Variants in PRKCZ observed in about 807,000 individuals in gnomAD.
PRKCZ encodes protein kinase C zeta, also known as protein kinase C zeta type.
PRKCZ carries 33 observed loss-of-function variants against 79.5 expected under a neutral mutation model. That is an observed-to-expected ratio of 0.41 (90% CI 0.31 to 0.55). PRKCZ has a LOEUF of 0.55. Among genes scored for constraint, PRKCZ ranks in the 20% least tolerant of loss-of-function variants. The probability of loss-of-function intolerance (pLI) is 0.19; values close to 1 mark genes in which losing one functional copy is unlikely to be tolerated. For synonymous variants in PRKCZ, 342 were observed against 320.9 expected (o/e 1.07, Z -0.70); for missense variants, 578 against 813.5 (o/e 0.71, Z 3.52).
chr1:2,061,053 C>T (rs899913721), intron 4 of PRKCZ, among the ~76,000 whole-genome samples: 2 of 152,220 alleles, frequency 1.3e-5, no homozygotes, highest in African/African-American at 2.4e-5. Context: ...CCCTCCACAG[C>T]GCCCTGCAGC....
chr1:2,073,831 C>T, intron 4 of PRKCZ: 1 of 1,042,708 alleles, frequency 9.6e-7, no homozygotes, highest in Non-Finnish European at 1.2e-6. Context: ...CGAGCCGACG[C>T]AGCATCAGCT....
At position 2,127,644 on chromosome 1, in the gene PRKCZ, A is replaced by G. The variant is rs141381026; in HGVS notation, c.335-7618A>G. ...GCAGTGGGAGCTCTGGTGCAGGTGT[A>G]GCCGAGGCTCAGGGGCTCCACACCA... On this transcript the variant is annotated intron_variant, in intron 4 of 17. Coordinates refer to ENST00000378567, the MANE Select transcript of PRKCZ (RefSeq NM_002744.6). This position sits in a 1 kb window ranked among gnomAD's most constrained non-coding sequence, Gnocchi z 5.1. 6.5e-3 allele frequency among the ~76,000 whole-genome samples: 983 copies of G among 152,332 alleles called. 6 individuals carry two copies. Among genetic ancestry groups the G allele is most frequent in the Admixed American group, 9.1e-3 (140 of 15,308 alleles).
intron 4 of PRKCZ, 112 bp from the exon 5 acceptor site, chr1:2,135,150 G>C: frequency 1.2e-6 from 1 of 856,420 alleles, no homozygotes; most frequent in Non-Finnish European, 1.8e-6. Context: ...CCCTGCCTGG[G>C]AGGACGCTGC....
rs373413761 is a variant in PRKCZ at position 2,123,870 on chromosome 1, T to C, written c.335-11392T>C. 4.6e-3 allele frequency among the ~76,000 whole-genome samples: 23 copies of C among 5,016 alleles called. 8 individuals are homozygous for C. Among genetic ancestry groups the C allele is most frequent in the African/African-American group, 0.012 (7 of 574 alleles). 3.3% of individuals were successfully genotyped at this position (5,016 alleles called of 152,430 possible). ...AGGGTTGTGGTGGTTAGGGTCACGGTGGCGGTTAGGGTCACGGCGGCGGTT... is the reference window on the plus strand; with the variant it reads ...AGGGTTGTGGTGGTTAGGGTCACGGCGGCGGTTAGGGTCACGGCGGCGGTT... On this transcript the variant is annotated intron_variant, in intron 4 of 17. Coordinates refer to ENST00000378567, the MANE Select transcript of PRKCZ (RefSeq NM_002744.6).
chr1:2,136,202 G>T (rs182767574), intron 5 of PRKCZ, among the ~76,000 whole-genome samples: 2 of 152,292 alleles, frequency 1.3e-5, no homozygotes, highest in East Asian at 3.9e-4. Flanking sequence ...TACTCCCATG[G>T]TCTGCCCTCT....
At chr1:2,061,895 G>T (rs563547425) in intron 4 of PRKCZ, among the ~76,000 whole-genome samples, 1 of 152,318 alleles carries the variant, frequency 6.6e-6, no homozygotes, top group Admixed American at 6.5e-5. Flanking sequence ...GCCGCCGCCT[G>T]GGGCTCTGTG....
At chr1:2,138,092 T>A (rs1471403960) in intron 5 of PRKCZ, among the ~76,000 whole-genome samples, 1 of 152,176 alleles carries the variant, frequency 6.6e-6, no homozygotes, top group Non-Finnish European at 1.5e-5. Flanking sequence ...TCACTTCATG[T>A]TAATTGCAGG....
rs544540765 is a variant in PRKCZ at position 2,134,986 on chromosome 1, C to T, written c.335-276C>T. The T allele has an allele frequency of 1.7e-3, 473 of 276,688 alleles. 2 individuals are homozygous for T. The highest frequency in any genetic ancestry group is 6.9e-3 in the Middle Eastern group (6 of 872). 17.1% of individuals were successfully genotyped at this position (276,688 alleles called of 1,614,324 possible). On this transcript the variant is annotated intron_variant, in intron 4 of 17. Coordinates refer to ENST00000378567, the MANE Select transcript of PRKCZ (RefSeq NM_002744.6). ...CACGGCTCCACTGTCAGCAAGCGGC[C>T]GTCCCGTGGTGGATCCTGTCCGCCC...
intron 6 of PRKCZ, 85 bp from the exon 7 acceptor site, chr1:2,145,942 A>G: frequency 3.2e-6 from 4 of 1,252,616 alleles, no homozygotes; most frequent in Non-Finnish European, 4.6e-6. Flanking sequence ...TTAATTTTAA[A>G]AAGTCACAAA....
intron 8 of PRKCZ, among the ~76,000 whole-genome samples, chr1:2,150,558 G>A (rs2103217191): frequency 6.6e-6 from 1 of 152,324 alleles, no homozygotes; most frequent in Admixed American, 6.5e-5. Context: ...ACAGCTTCTA[G>A]CTTTCTAGCA....
intron 3 of PRKCZ, 149 bp from the exon 4 acceptor site, chr1:2,059,392 T>C (rs1660465294): frequency 2.2e-6 from 2 of 913,884 alleles, no homozygotes; most frequent in Non-Finnish European, 3.4e-6. Flanking sequence ...GGGTTTTGCG[T>C]CTCCCAGGAG....
At chr1:2,134,666 G>A (rs780337005) in intron 4 of PRKCZ, 3 of 152,204 alleles carry the variant, frequency 2.0e-5, no homozygotes, top group Non-Finnish European at 2.9e-5. Context: ...CCTGCCCTGA[G>A]ATTTATTAGG....
intron 11 of PRKCZ, among the ~76,000 whole-genome samples, chr1:2,170,708 T>C (rs1456172893): frequency 6.6e-6 from 1 of 152,234 alleles, no homozygotes; most frequent in African/African-American, 2.4e-5. Flanking sequence ...GTCCCTCTGA[T>C]TCGAGGACTC....
chr1:2,106,986 T>C (rs1305808236), intron 4 of PRKCZ, among the ~76,000 whole-genome samples: 1 of 149,090 alleles, frequency 6.7e-6, no homozygotes, highest in East Asian at 1.9e-4. Flanking sequence ...CAGGAGTCAC[T>C]TGACTTCACC....
intron 8 of PRKCZ, 75 bp from the exon 9 acceptor site, chr1:2,150,715 A>T (rs375303707): frequency 6.9e-7 from 1 of 1,446,202 alleles, no homozygotes; most frequent in African/African-American, 1.4e-5. Context: ...TTGGGACCGC[A>T]TGAGTGATGC....
chr1:2,181,225 C>T (rs1160657271), intron 16 of PRKCZ, among the ~76,000 whole-genome samples: 1 of 152,184 alleles, frequency 6.6e-6, no homozygotes, highest in African/African-American at 2.4e-5. Flanking sequence ...TGGCCCCCAG[C>T]GCACAAGGCA....
chr1:2,182,819 G>GA (rs1686878502), intron 16 of PRKCZ: 1 of 154,452 alleles, frequency 6.5e-6, no homozygotes, highest in African/African-American at 2.4e-5. Context: ...GTGTGCGAGG[G>GA]TGGGCTAGAG....
intron 4 of PRKCZ, among the ~76,000 whole-genome samples, chr1:2,085,412 C>G (rs1039455903): frequency 6.6e-6 from 1 of 152,258 alleles, no homozygotes; most frequent in African/African-American, 2.4e-5. Context: ...GTCCGCAGCC[C>G]GCCAGATACC....
At chr1:2,142,467 C>G (rs1392648078) in intron 5 of PRKCZ, 1 of 242,804 alleles carries the variant, frequency 4.1e-6, no homozygotes, top group East Asian at 1.5e-4. Context: ...GAAGCGCCTC[C>G]TTTCAATCCA....
Sources: gnomAD v4.1 joint callset for allele counts (sites outside exome capture counted in the v4.1 genomes callset) on GRCh38, gnomAD v4.1.1 for gene constraint, Gnocchi (gnomAD v3.1) non-coding constraint, MANE v1.5 for transcripts, NCBI Gene and HGNC (gene_info 2026-07-23, HGNC 2026-07-21) for gene names.